TPD52L2: variants seen among roughly 807,000 people sequenced by gnomAD.
TPD52L2 encodes TPD52 like 2.
In TPD52L2, 19 loss-of-function variants were observed where a neutral mutation model predicts 24.7. The observed-to-expected ratio is 0.77, with a 90% CI of 0.54 to 1.13. The LOEUF (loss-of-function observed/expected upper bound fraction) is 1.13. TPD52L2 is among the 50% of genes most tolerant of loss of function. The probability of loss-of-function intolerance (pLI) is 0.00; values close to 1 mark genes in which losing one functional copy is unlikely to be tolerated. For synonymous variants in TPD52L2, 104 were observed against 100.2 expected (o/e 1.04, Z -0.23); for missense variants, 236 against 250.4 (o/e 0.94, Z 0.39).
At chr20:63,887,534 C>T (rs6011205) in intron 5 of TPD52L2, 1 of 1,604,626 alleles carries the variant, frequency 6.2e-7, no homozygotes. Flanking sequence ...CTCTTGCTTC[C>T]TTCTCTGCTT....
At chr20:63,886,510 C>T (rs185604859) in intron 5 of TPD52L2, among the ~76,000 whole-genome samples, 6,941 of 152,000 alleles carry the variant, frequency 0.046, 216 homozygotes, top group Non-Finnish European at 0.07. Context: ...TACAGGCGCC[C>T]GCCGCCACGC....
chr20:63,876,699 C>CT, intron 4 of TPD52L2: 1 of 448,632 alleles, frequency 2.2e-6, no homozygotes, highest in Admixed American at 2.4e-5. Flanking sequence ...CCGAGCTTGT[C>CT]TTGAAGGTCC....
rs749178470 is a variant in TPD52L2 at position 63,877,624 on chromosome 20, G to T, written c.374+1749G>T. Among the ~76,000 whole-genome samples the T allele has an allele frequency of 6.6e-6, 1 of 152,260 alleles. No homozygotes were observed. The highest frequency in any genetic ancestry group is 1.5e-5 in the Non-Finnish European group (1 of 68,042). ...ACTCAGTCTGAAAATAGTCTTAGGAGACTTCAGTGCTGTTTTGTAAAACCA... is the reference window on the plus strand; with the variant it reads ...ACTCAGTCTGAAAATAGTCTTAGGATACTTCAGTGCTGTTTTGTAAAACCA... On this transcript the variant is annotated intron_variant, in intron 4 of 6. Coordinates refer to ENST00000346249, the MANE Select transcript of TPD52L2 (RefSeq NM_003288.4). This position sits in a 1 kb window ranked among gnomAD's most constrained non-coding sequence, Gnocchi z 4.1.
At chr20:63,884,777 C>T (rs1178336969) in intron 5 of TPD52L2, among the ~76,000 whole-genome samples, 3 of 152,236 alleles carry the variant, frequency 2.0e-5, no homozygotes, top group Admixed American at 6.5e-5. Context: ...TGCACGTGTG[C>T]CCTGGTACAT....
intron 4 of TPD52L2, 48 bp from the exon 5 acceptor site, chr20:63,882,671 G>A (rs747363174): frequency 2.7e-6 from 4 of 1,490,624 alleles, no homozygotes; most frequent in Non-Finnish European, 3.7e-6. Context: ...GGCTGTGGGT[G>A]GTGACCCGCC....
chr20:63,887,362 T>G, intron 5 of TPD52L2: 1 of 706,978 alleles, frequency 1.4e-6, no homozygotes, highest in South Asian at 1.6e-5. Context: ...GCTGGGCAAC[T>G]TGGGGTGCCC....
At chr20:63,868,958 T>C (rs1167068641) in intron 1 of TPD52L2, among the ~76,000 whole-genome samples, 2 of 150,818 alleles carry the variant, frequency 1.3e-5, no homozygotes, top group Non-Finnish European at 3.0e-5. Context: ...AGGTGGAAGG[T>C]CTGTTAGATT....
chr20:63,877,454 C>T lies in TPD52L2; in HGVS notation c.374+1579C>T, dbSNP rs1239290342. The stretch of plus-strand genomic sequence containing the variant: ...GATGACAGGCGTGACCCACTGCACC[C>T]GGCTTGAGCAGGGTGTTCTAGGGAC... On this transcript the variant is annotated intron_variant, in intron 4 of 6. Transcript: ENST00000346249. The surrounding 1 kb of genome is among the most constrained non-coding windows in gnomAD (Gnocchi z 4.1). Among the ~76,000 whole-genome samples the T allele has an allele frequency of 3.3e-5, 5 of 152,164 alleles. No homozygotes were observed. Among genetic ancestry groups the T allele is most frequent in the East Asian group, 1.9e-4 (1 of 5,192 alleles).
intron 2 of TPD52L2, among the ~76,000 whole-genome samples, chr20:63,872,044 T>C (rs970868054): frequency 7.8e-6 from 1 of 128,384 alleles, no homozygotes; most frequent in Non-Finnish European, 1.7e-5. Flanking sequence ...GTCATGTTCT[T>C]TTTTTTTTTT....
intron 4 of TPD52L2, among the ~76,000 whole-genome samples, chr20:63,881,720 C>T (rs546047800): frequency 1.3e-5 from 2 of 152,348 alleles, no homozygotes; most frequent in South Asian, 4.1e-4. Flanking sequence ...CCTGGGAGCC[C>T]ATCTCCATTC....
At chr20:63,886,453 C>A (rs577329761) in intron 5 of TPD52L2, among the ~76,000 whole-genome samples, 1 of 149,346 alleles carries the variant, frequency 6.7e-6, no homozygotes, top group African/African-American at 2.6e-5. Context: ...CTCCGCCTCC[C>A]GGGTTCACGC....
At chr20:63,883,415 G>A (rs2052972451) in intron 5 of TPD52L2, among the ~76,000 whole-genome samples, 1 of 152,184 alleles carries the variant, frequency 6.6e-6, no homozygotes. Context: ...TAGGCTCCCT[G>A]ACTACAGCAT....
chr20:63,865,669 G>A (rs4809375), intron 1 of TPD52L2, among the ~76,000 whole-genome samples: 18,744 of 152,110 alleles, frequency 0.12, 1,480 homozygotes, highest in East Asian at 0.37. Context: ...TGCTCCCGTA[G>A]TTTGGGTTCT....
In TPD52L2 at chr20:63,874,218, A is replaced by ATTTT. The variant is rs532097736; in HGVS notation, c.314+410_314+413dup. Among the ~76,000 whole-genome samples, 28 of 133,620 alleles carry ATTTT rather than the reference A, an allele frequency of 2.1e-4. 1 individual carries two copies. The highest frequency in any genetic ancestry group is 7.3e-4 in the South Asian group (3 of 4,088). The allele number at this position is 133,620 out of a possible 152,430, so 87.7% of individuals were successfully genotyped here. On this transcript the variant is annotated intron_variant, in intron 3 of 6. Transcript: ENST00000346249. ...AGGCGCCTCCCACCGCGCCCGGCTG[A>ATTTT]TTTTTTTTTTTGTGTGTGTGTGTGT... is the stretch of plus-strand genomic sequence containing the variant.
chr20:63,866,423 C>T (rs1568934055), intron 1 of TPD52L2, among the ~76,000 whole-genome samples: 1 of 149,544 alleles, frequency 6.7e-6, no homozygotes, highest in Non-Finnish European at 1.5e-5. Flanking sequence ...CTTTATAATT[C>T]CTAGGTGCTG....
intron 5 of TPD52L2, chr20:63,887,695 A>G (rs554805538): frequency 2.3e-6 from 3 of 1,310,922 alleles, no homozygotes; most frequent in South Asian, 2.5e-5. Flanking sequence ...TGCCCTTCCC[A>G]TATTCCTGGA....
chr20:63,875,152 A>AAAAATATAT (rs1555873183), intron 3 of TPD52L2, among the ~76,000 whole-genome samples: 2 of 141,736 alleles, frequency 1.4e-5, no homozygotes, highest in South Asian at 4.5e-4. Context: ...AAAAAAAAAA[A>AAAAATATAT]ATATATATAT....
chr20:63,883,363 C>T (rs751532145), intron 5 of TPD52L2, among the ~76,000 whole-genome samples: 6 of 152,158 alleles, frequency 3.9e-5, no homozygotes, highest in African/African-American at 1.2e-4. Context: ...AGCAGGGGGC[C>T]GGCGCTTTGT....
intron 5 of TPD52L2, chr20:63,888,946 A>C (rs2053230756): frequency 1.7e-6 from 1 of 583,734 alleles, no homozygotes. Context: ...TGCACAGTCA[A>C]GGGGTTTCCA....
Sources: gnomAD v4.1 joint callset for allele counts (sites outside exome capture counted in the v4.1 genomes callset) on GRCh38, gnomAD v4.1.1 for gene constraint, Gnocchi (gnomAD v3.1) non-coding constraint, MANE v1.5 for transcripts, NCBI Gene and HGNC (gene_info 2026-07-23, HGNC 2026-07-21) for gene names.